DPF2: variants seen among roughly 807,000 people sequenced by gnomAD.
DPF2 encodes zinc finger protein ubi-d4.
DPF2 carries 10 observed loss-of-function variants against 59.6 expected under a neutral mutation model. That is an observed-to-expected ratio of 0.17 (90% CI 0.10 to 0.28). The LOEUF (loss-of-function observed/expected upper bound fraction) is 0.28, where lower values mean the gene tolerates loss of function less well. Among genes scored for constraint, DPF2 ranks in the 10% least tolerant of loss-of-function variants. The pLI is 1.00. For synonymous variants in DPF2, 189 were observed against 190.6 expected (o/e 0.99, Z 0.07); for missense variants, 315 against 509.4 (o/e 0.62, Z 3.67).
intron 1 of DPF2, among the ~76,000 whole-genome samples, chr11:65,338,900 T>C (rs999052504): frequency 4.6e-5 from 7 of 152,092 alleles, no homozygotes; most frequent in Non-Finnish European, 1.0e-4. Context: ...GGCTGTTTCT[T>C]GTAAAATCCT....
rs756830866 is a variant in DPF2, at chr11:65,341,083, A to G, written c.301+10A>G. ...CCATCTATTAAGCCAGGTAAGGCAC[A>G]TACTTCCTGAGCAGAGGCGTGGCCT... On this transcript the variant is annotated intron_variant, in intron 3 of 10. Transcript: ENST00000528416. The G allele has an allele frequency of 1.4e-5, 22 of 1,613,534 alleles. No individual in the cohort carries two copies. The highest frequency in any genetic ancestry group is 1.7e-5 in the Non-Finnish European group (20 of 1,179,776).
Position 65,351,768 on chromosome 11 carries a change from C to A in DPF2, c.*9C>A, listed in dbSNP as rs758885245. On this transcript the variant is annotated 3_prime_UTR_variant, in exon 11 of 11. Transcript: ENST00000528416. ...ACCAGAACTCCTCTTGATGTGGCCACCCACCTGCTCCCCGACATATCTAAG... is the reference window on the plus strand; with the variant it reads ...ACCAGAACTCCTCTTGATGTGGCCAACCACCTGCTCCCCGACATATCTAAG... 2.5e-6 allele frequency: 4 copies of A among 1,612,272 alleles called. No homozygotes were observed. The highest frequency in any genetic ancestry group is 2.5e-6 in the Non-Finnish European group (3 of 1,179,704).
Position 65,343,729 on chromosome 11 carries a change from C to T in DPF2, c.466-16C>T, listed in dbSNP as rs1370244207. 5 of 1,580,748 alleles carry T rather than the reference C, an allele frequency of 3.2e-6. No individual in the cohort carries two copies. The highest frequency in any genetic ancestry group is 1.3e-5 in the African/African-American group (1 of 74,128). On this transcript the variant is annotated splice_polypyrimidine_tract_variant and intron_variant, in intron 4 of 10. Transcript: ENST00000528416. ...TGCACATATTTCTACCCATGCTAAC[C>T]CTCCTGTCCACTCAGCGGATCCTAG...
chr11:65,338,777 A>G (rs1167032215), intron 1 of DPF2, among the ~76,000 whole-genome samples: 2 of 152,098 alleles, frequency 1.3e-5, no homozygotes, highest in African/African-American at 4.8e-5. Flanking sequence ...GCAGTGGTCT[A>G]TTGTGGCTGC....
At chr11:65,338,261 A>G (rs1854264477) in intron 1 of DPF2, among the ~76,000 whole-genome samples, 1 of 152,084 alleles carries the variant, frequency 6.6e-6, no homozygotes, top group African/African-American at 2.4e-5. Flanking sequence ...TTAAGTTCTT[A>G]AGAGCTCACT....
Position 65,346,303 on chromosome 11 carries a change from C to T in DPF2, c.961C>T (p.Arg321Cys), listed in dbSNP as rs1467910075. The T allele has an allele frequency of 1.2e-6, 2 of 1,613,948 alleles. No individual in the cohort carries two copies. The highest frequency in any genetic ancestry group is 1.7e-5 in the Admixed American group (1 of 60,008). ...GATGATGGCGGCAGTGAAGACATAC[C>T]GCTGGCAGTGCATCGAGTGCAAATG... ...PVMMAAVKTY[R>C]WQCIECKCCN... The change falls in exon 9 of 11, where the codon CGC (arginine) becomes TGC (cysteine). Residue 321 changes from arginine to cysteine, a missense_variant. Transcript: ENST00000528416.
chr11:65,345,893 C>A (rs1165288626), intron 7 of DPF2, 37 bp from the exon 8 acceptor site: 3 of 1,613,404 alleles, frequency 1.9e-6, no homozygotes, highest in Non-Finnish European at 2.5e-6. Context: ...GGCTCAGGGA[C>A]CCCCATGGGT....
At chr11:65,346,550 C>A in intron 9 of DPF2, 191 bp downstream of exon 9, 1 of 572,548 alleles carries the variant, frequency 1.7e-6, no homozygotes, top group Admixed American at 3.2e-5. Flanking sequence ...GATTTTATGT[C>A]AGACACTGTT....
Position 65,333,930 on chromosome 11 carries a change from T to C in DPF2, c.32+12T>C, listed in dbSNP as rs536425325. ...AATGTAGTGAAGCTGTGAGTGGTCG[T>C]TTCTTTCTCTCCTAGGGCGGCAGGT... On this transcript the variant is annotated intron_variant, in intron 1 of 10. Coordinates refer to ENST00000528416, the MANE Select transcript of DPF2 (RefSeq NM_006268.5). 1.7e-5 allele frequency: 28 copies of C among 1,613,718 alleles called. No homozygotes were observed. In the Admixed American group the frequency reaches 4.0e-4, roughly 23 times the overall value.
rs746637789 is a variant in DPF2, at chr11:65,340,998, G to T, written c.226G>T (p.Ala76Ser). Residue 76 changes from alanine (A) to serine (S), a missense_variant, in exon 3 of 11, where the codon GCC becomes TCC. Physicochemically the swap from Ala to Ser is moderately conservative, Grantham distance 99. Around this residue, in one of 4 missense-constraint regions of DPF2, gnomAD observed 228 missense variants for 275.3 expected, o/e 0.83. Transcript: ENST00000528416. ...LASGQLYSYP[A>S]RRWRKKRRAH... Reference sequence around the variant, plus strand: ...CTCCGGACAGCTGTACTCCTACCCTGCCCGGCGCTGGCGGAAAAAGCGGCG... The same window carrying T: ...CTCCGGACAGCTGTACTCCTACCCTTCCCGGCGCTGGCGGAAAAAGCGGCG... The T allele has an allele frequency of 6.2e-7, 1 of 1,614,040 alleles. No individual in the cohort carries two copies.
intron 9 of DPF2, chr11:65,348,611 G>GAAAA (rs56032535): frequency 2.4e-3 from 566 of 239,370 alleles, no homozygotes; most frequent in South Asian, 5.3e-3. Context: ...GGGCTTTAGG[G>GAAAA]AAAAAAAAAA....
At chr11:65,334,981 T>A (rs1253745075) in intron 1 of DPF2, among the ~76,000 whole-genome samples, 1 of 152,176 alleles carries the variant, frequency 6.6e-6, no homozygotes, top group African/African-American at 2.4e-5. Flanking sequence ...AGAGCCTTTT[T>A]AAAGAGTAAG....
At position 65,340,440 on chromosome 11, in the gene DPF2, C is replaced by T. The variant is rs1421781715; in HGVS notation, c.88C>T (p.Arg30Cys). Reference sequence around the variant, plus strand: ...GGAGCAGTGCCACAATTACAATGCTCGCCTCTGTGCTGAGCGCAGCGTGCG... The same window carrying T: ...GGAGCAGTGCCACAATTACAATGCTTGCCTCTGTGCTGAGCGCAGCGTGCG... ...AMEQCHNYNA[R>C]LCAERSVRLP... Residue 30 changes from arginine to cysteine, a missense_variant, in exon 2 of 11, where the codon CGC (arginine) becomes TGC (cysteine). This residue lies in a region of DPF2 where 228 missense variants were observed against 275.3 expected (regional missense o/e 0.83). Transcript: ENST00000528416. 2.5e-6 allele frequency: 4 copies of T among 1,614,210 alleles called. No homozygotes were observed. The highest frequency in any genetic ancestry group is 2.2e-5 in the South Asian group (2 of 91,088).
In DPF2 at chr11:65,341,489, G is replaced by A. The variant is rs1239432752; in HGVS notation, c.392G>A (p.Arg131Gln). ...TTGCGCACTGACCCCCTGGAGAAGC[G>A]AGGTGCCCCGGATCCCCGAGTTGAT... ...ALLRTDPLEK[R>Q]GAPDPRVDDD... The change falls in exon 4 of 11, where the codon CGA (arginine) becomes CAA (glutamine). Residue 131 changes from arginine to glutamine, a missense_variant. Transcript: ENST00000528416. 5 of 1,614,212 alleles carry A rather than the reference G, an allele frequency of 3.1e-6. No homozygotes were observed. The highest frequency in any genetic ancestry group is 4.2e-6 in the Non-Finnish European group (5 of 1,180,050).
rs1854712222 is a variant in DPF2, at chr11:65,351,986, G to A, written c.*227G>A. ...AGCAACACACTGCCCCTAGGCGTGC[G>A]TGTGGCCCAGTTTCTCTCTGCTCTC... On this transcript the variant is annotated 3_prime_UTR_variant, in exon 11 of 11. Transcript: ENST00000528416. The A allele has an allele frequency of 5.2e-6, 3 of 572,108 alleles. No individual in the cohort carries two copies. The highest frequency in any genetic ancestry group is 4.7e-4 in the Middle Eastern group (1 of 2,116). The allele number at this position is 572,108 out of a possible 1,614,324, so 35.4% of individuals were successfully genotyped here.
chr11:65,334,298 C>T (rs1180596134), intron 1 of DPF2, among the ~76,000 whole-genome samples: 2 of 152,060 alleles, frequency 1.3e-5, no homozygotes, highest in African/African-American at 4.8e-5. Flanking sequence ...TACGGCTGGC[C>T]CGCCGCCCAC....
chr11:65,350,330 CTGTTT>C (rs982962353), intron 10 of DPF2, among the ~76,000 whole-genome samples: 32 of 150,578 alleles, frequency 2.1e-4, no homozygotes, highest in African/African-American at 6.1e-4. Context: ...AGCTTGCAAG[CTGTTT>C]TGTTTTCTTT....
Position 65,353,582 on chromosome 11 carries a change from C to G in DPF2, c.*1823C>G, listed in dbSNP as rs1854785971. On this transcript the variant is annotated 3_prime_UTR_variant, in exon 11 of 11. Coordinates refer to ENST00000528416, the MANE Select transcript of DPF2 (RefSeq NM_006268.5). ...GATGTGCACACAGTTTCCCTGAAGG[C>G]AAAGTGAACATGTGGAGAGCTTACG... Among the ~76,000 whole-genome samples the G allele has an allele frequency of 6.6e-6, 1 of 152,190 alleles. No individual in the cohort carries two copies. The highest frequency in any genetic ancestry group is 1.5e-5 in the Non-Finnish European group (1 of 68,040).
At chr11:65,350,989 A>T (rs1011956620) in intron 10 of DPF2, among the ~76,000 whole-genome samples, 1 of 152,078 alleles carries the variant, frequency 6.6e-6, no homozygotes, top group East Asian at 1.9e-4. Flanking sequence ...TCAGAAAAAA[A>T]AAAAATAAAG....
Sources: allele counts gnomAD v4.1 joint callset (sites outside exome capture counted in the v4.1 genomes callset), GRCh38; gene constraint gnomAD v4.1.1; regional missense constraint gnomAD v4.1.1; transcripts MANE v1.5; gene names NCBI Gene and HGNC (gene_info 2026-07-23, HGNC 2026-07-21).